Variants in AGMO observed in about 807,000 individuals in gnomAD.
AGMO encodes the protein alkylglycerol monooxygenase, also known as glyceryl-ether monooxygenase.
AGMO carries 75 observed loss-of-function variants against 60.2 expected under a neutral mutation model. That is an observed-to-expected ratio of 1.25 (90% CI 1.03 to 1.51). The LOEUF (loss-of-function observed/expected upper bound fraction) is 1.51, where lower values mean the gene tolerates loss of function less well. AGMO is among the 40% of genes most tolerant of loss of function. AGMO has a pLI of 0.00. For missense variants in AGMO, 763 were observed against 525.5 expected (o/e 1.45, Z -4.42); for synonymous variants, 261 against 177.1 (o/e 1.47, Z -3.76).
chr7:15,221,718 T>C (rs532710714), intron 12 of AGMO, among the ~76,000 whole-genome samples: 5 of 152,246 alleles, frequency 3.3e-5, no homozygotes, highest in South Asian at 4.1e-4. Context: ...ATGTTAAACA[T>C]ACCATCCACA....
intron 12 of AGMO, among the ~76,000 whole-genome samples, chr7:15,350,987 T>G (rs1167782499): frequency 3.9e-5 from 6 of 152,136 alleles, no homozygotes; most frequent in Non-Finnish European, 8.8e-5. Flanking sequence ...AGGCAAAAAA[T>G]GCTTTTTAAG....
the AGMO span, among the ~76,000 whole-genome samples, chr7:15,135,979 C>CTTTTTTTTTTTTTTTTTT: frequency 4.1e-4 from 44 of 106,832 alleles, no homozygotes; most frequent in Middle Eastern, 8.9e-3. Context: ...TTTTTCTTTT[C>CTTTTTTTTTTTTTTTTTT]TTTTTTTTTT....
chr7:15,179,938 C>T, the AGMO span, among the ~76,000 whole-genome samples: 10 of 152,244 alleles, frequency 6.6e-5, no homozygotes, highest in Non-Finnish European at 1.0e-4. Context: ...TGTGCTAGAA[C>T]GAGGGGATGA....
At chr7:15,131,793 C>CACACA in the AGMO span, among the ~76,000 whole-genome samples, 2 of 149,274 alleles carry the variant, frequency 1.3e-5, no homozygotes, top group Admixed American at 6.7e-5. Flanking sequence ...CACACACAAA[C>CACACA]AAGGTAGGAG....
chr7:15,294,730 C>T (rs532254505), intron 12 of AGMO, among the ~76,000 whole-genome samples: 10 of 151,824 alleles, frequency 6.6e-5, no homozygotes, highest in Non-Finnish European at 1.5e-4. Flanking sequence ...GAGAATTGTT[C>T]GAGACTTATT....
chr7:15,205,880 T>A (rs76151322), intron 12 of AGMO, among the ~76,000 whole-genome samples: 11 of 152,194 alleles, frequency 7.2e-5, no homozygotes, highest in African/African-American at 2.6e-4. Context: ...TTCTGTAGTA[T>A]CAGTGAGGTT....
chr7:15,387,301 C>G, intron 9 of AGMO, 105 bp downstream of exon 9: 1 of 1,316,752 alleles, frequency 7.6e-7, no homozygotes, highest in Non-Finnish European at 1.0e-6. Context: ...ACTGGGGGAA[C>G]ATCTTTTTAC....
chr7:15,122,146 G>A, the AGMO span, among the ~76,000 whole-genome samples: 1 of 152,086 alleles, frequency 6.6e-6, no homozygotes, highest in Non-Finnish European at 1.5e-5. Flanking sequence ...GAAAAGTTTT[G>A]CAATCTATCC....
At chr7:15,496,165 G>T (rs746990049) in intron 3 of AGMO, among the ~76,000 whole-genome samples, 2 of 152,076 alleles carry the variant, frequency 1.3e-5, no homozygotes, top group African/African-American at 2.4e-5. Context: ...GAGTGGAAAG[G>T]CCTCAACTCC....
At chr7:15,288,490 T>G (rs1015554888) in intron 12 of AGMO, among the ~76,000 whole-genome samples, 38 of 152,134 alleles carry the variant, frequency 2.5e-4, no homozygotes, top group African/African-American at 8.9e-4. Context: ...TTGTTTCCCT[T>G]AAGTAGGAAA....
chr7:15,389,483 A>G (rs573761188), intron 8 of AGMO, among the ~76,000 whole-genome samples: 1 of 152,336 alleles, frequency 6.6e-6, no homozygotes, highest in Non-Finnish European at 1.5e-5. Context: ...TAATCAAGAT[A>G]CAGACACAGA....
At chr7:15,502,549 C>T (rs1016141244) in intron 3 of AGMO, among the ~76,000 whole-genome samples, 14 of 151,852 alleles carry the variant, frequency 9.2e-5, no homozygotes, top group Non-Finnish European at 2.1e-4. Context: ...TGTGTTGGCT[C>T]CTCATAAAGC....
intron 12 of AGMO, among the ~76,000 whole-genome samples, chr7:15,283,582 A>G (rs1784025390): frequency 6.6e-6 from 1 of 152,130 alleles, no homozygotes; most frequent in Admixed American, 6.5e-5. Context: ...CAGATTTACA[A>G]AACAAATACT....
chr7:15,122,689 T>A, the AGMO span, among the ~76,000 whole-genome samples: 1 of 152,106 alleles, frequency 6.6e-6, no homozygotes, highest in Non-Finnish European at 1.5e-5. Context: ...AACAGTCACA[T>A]CCATTCTCTA....
chr7:15,184,398 A>AG, the AGMO span, among the ~76,000 whole-genome samples: 1 of 64,220 alleles, frequency 1.6e-5, no homozygotes. Context: ...GAAGAGAGGG[A>AG]GGAAGAAAGG....
chr7:15,120,490 T>A, the AGMO span, among the ~76,000 whole-genome samples: 1 of 152,158 alleles, frequency 6.6e-6, no homozygotes. Context: ...TAGTTATAGA[T>A]AATGTCACAA....
chr7:15,373,275 C>G (rs1783301794), intron 10 of AGMO, among the ~76,000 whole-genome samples: 1 of 149,178 alleles, frequency 6.7e-6, no homozygotes, highest in African/African-American at 2.5e-5. Context: ...GATATTCTGT[C>G]TCAAAAAAAA....
chr7:15,495,670 T>C (rs1208319925), intron 3 of AGMO, among the ~76,000 whole-genome samples: 2 of 152,296 alleles, frequency 1.3e-5, no homozygotes, highest in South Asian at 2.1e-4. Context: ...AAGTGACATT[T>C]ATTTCTCACA....
the AGMO span, among the ~76,000 whole-genome samples, chr7:15,170,054 G>A: frequency 0.84 from 128,393 of 152,238 alleles, 54,264 homozygotes; most frequent in East Asian, 1. Context: ...ATCTTTTAGG[G>A]AGATTGGAGT....
Sources: allele counts gnomAD v4.1 joint callset (sites outside exome capture counted in the v4.1 genomes callset), GRCh38; gene constraint gnomAD v4.1.1; transcripts MANE v1.5; gene names NCBI Gene and HGNC (gene_info 2026-07-23, HGNC 2026-07-21).